The following ADAD1 variants were observed in gnomAD, a reference collection of about 807,000 sequenced individuals.
ADAD1 encodes the protein adenosine deaminase domain-containing protein 1.
In ADAD1, 46 loss-of-function variants were observed where a neutral mutation model predicts 66.8. The ratio of observed to expected loss-of-function variants is 0.69; its 90% confidence interval spans 0.54 to 0.88. The LOEUF is 0.88. ADAD1 is among the 40% of genes least tolerant of loss of function. The pLI is 0.00. For synonymous variants in ADAD1, 248 were observed against 229.4 expected (o/e 1.08, Z -0.73); for missense variants, 617 against 681.8 (o/e 0.91, Z 1.06).
At chr4:122,410,466 C>CT (rs1245926170) in intron 8 of ADAD1, among the ~76,000 whole-genome samples, 2 of 151,926 alleles carry the variant, frequency 1.3e-5, no homozygotes, top group Non-Finnish European at 2.9e-5. Flanking sequence ...AGGAGATCTG[C>CT]TTCCCTTTTT....
intron 12 of ADAD1, among the ~76,000 whole-genome samples, chr4:122,424,649 CAGTA>C (rs1381631477): frequency 6.6e-6 from 1 of 151,782 alleles, no homozygotes; most frequent in East Asian, 1.9e-4. Context: ...AACTATACGA[CAGTA>C]AGGAAAAAGA....
intron 11 of ADAD1, among the ~76,000 whole-genome samples, chr4:122,419,221 C>G (rs1796896009): frequency 6.6e-6 from 1 of 152,118 alleles, no homozygotes. Flanking sequence ...AGATCATGTC[C>G]TCTGCAGGGC....
intron 5 of ADAD1, among the ~76,000 whole-genome samples, chr4:122,387,219 A>G (rs891851403): frequency 6.6e-6 from 1 of 152,104 alleles, no homozygotes; most frequent in Non-Finnish European, 1.5e-5. Flanking sequence ...TTCCCCGAGC[A>G]GTGGTTTGTA....
At chr4:122,392,382 AAG>A (rs1795492322) in intron 5 of ADAD1, among the ~76,000 whole-genome samples, 1 of 152,228 alleles carries the variant, frequency 6.6e-6, no homozygotes, top group Admixed American at 6.5e-5. Context: ...TAAAAAAATA[AAG>A]TCATGTCCTT....
intron 7 of ADAD1, among the ~76,000 whole-genome samples, chr4:122,397,307 C>T (rs1489753983): frequency 1.3e-5 from 2 of 152,120 alleles, no homozygotes; most frequent in Non-Finnish European, 2.9e-5. Flanking sequence ...CAGTGATAGA[C>T]CATGGGCTGT....
chr4:122,400,660 A>G (rs929670678), intron 7 of ADAD1, among the ~76,000 whole-genome samples: 1 of 151,824 alleles, frequency 6.6e-6, no homozygotes, highest in Non-Finnish European at 1.5e-5. Flanking sequence ...GATTTTTTAG[A>G]TTATGGTTTC....
intron 7 of ADAD1, among the ~76,000 whole-genome samples, chr4:122,402,703 TTCTTTG>T (rs1164354094): frequency 1.3e-5 from 2 of 152,098 alleles, no homozygotes; most frequent in Non-Finnish European, 2.9e-5. Context: ...ATATTCTGTT[TTCTTTG>T]TCTTTGTCAG....
chr4:122,397,556 A>G (rs1440971916), intron 7 of ADAD1, among the ~76,000 whole-genome samples: 1 of 152,238 alleles, frequency 6.6e-6, no homozygotes, highest in Non-Finnish European at 1.5e-5. Context: ...TGAATATTTA[A>G]ACAATAATTG....
At chr4:122,423,039 A>C (rs556932176) in intron 12 of ADAD1, among the ~76,000 whole-genome samples, 1 of 151,778 alleles carries the variant, frequency 6.6e-6, no homozygotes, top group East Asian at 1.9e-4. Context: ...ACAGGAGTAC[A>C]TGGCCTTGCC....
intron 5 of ADAD1, among the ~76,000 whole-genome samples, chr4:122,385,956 G>T (rs1015388679): frequency 1.5e-4 from 23 of 152,030 alleles, no homozygotes; most frequent in African/African-American, 5.3e-4. Flanking sequence ...TGGCCATTTG[G>T]GTTGGTTCCA....
In ADAD1 at chr4:122,429,678, A is replaced by T; in HGVS notation, c.1670A>T (p.Gln557Leu). 6.2e-7 allele frequency: 1 copy of T among 1,613,650 alleles called. No homozygotes were observed. The highest frequency in any genetic ancestry group is 8.5e-7 in the Non-Finnish European group (1 of 1,179,722). The change falls in exon 13 of 13, where the codon CAA becomes CTA. Residue 557 changes from glutamine (Q) to leucine (L), a missense_variant. Transcript: ENST00000296513. ...AAATGTAAGTTGAAATCCTACTTAC[A>T]ACAACATGGCTATGGATCCTGGATT... Reference protein sequence around the residue: ...EAKCKLKSYLQQHGYGSWIVK... With the variant: ...EAKCKLKSYLLQHGYGSWIVK...
chr4:122,429,060 C>T (rs1012542209), intron 12 of ADAD1, among the ~76,000 whole-genome samples: 1 of 151,498 alleles, frequency 6.6e-6, no homozygotes, highest in Non-Finnish European at 1.5e-5. Flanking sequence ...TTATTTCCTT[C>T]TTTATATTTT....
chr4:122,411,082 A>G, intron 8 of ADAD1, 140 bp from the exon 9 acceptor site: 1 of 630,138 alleles, frequency 1.6e-6, no homozygotes, highest in South Asian at 2.8e-5. Flanking sequence ...AAATAAAGCT[A>G]AGATTGATTT....
chr4:122,380,891 G>A (rs1561527524), intron 3 of ADAD1, 101 bp from the exon 4 acceptor site: 3 of 1,061,114 alleles, frequency 2.8e-6, no homozygotes, highest in African/African-American at 1.6e-5. Flanking sequence ...ATGATGAAGT[G>A]TATCTGGGAC....
chr4:122,419,974 G>T (rs1442232620), intron 11 of ADAD1, among the ~76,000 whole-genome samples: 1 of 152,064 alleles, frequency 6.6e-6, no homozygotes, highest in East Asian at 1.9e-4. Context: ...TTCAGAGCAA[G>T]ACATTATTTA....
At chr4:122,380,842 G>A in intron 3 of ADAD1, 150 bp from the exon 4 acceptor site, 1 of 706,550 alleles carries the variant, frequency 1.4e-6, no homozygotes, top group South Asian at 2.2e-5. Context: ...TGCTTGTCAT[G>A]TGTGCCAAAA....
At chr4:122,384,913 A>G (rs1237570209) in intron 5 of ADAD1, among the ~76,000 whole-genome samples, 1 of 152,208 alleles carries the variant, frequency 6.6e-6, no homozygotes, top group Admixed American at 6.5e-5. Context: ...GTTTTCTCCA[A>G]AAAGTACCAA....
At chr4:122,380,882 T>A in intron 3 of ADAD1, 110 bp from the exon 4 acceptor site, 1 of 974,546 alleles carries the variant, frequency 1.0e-6, no homozygotes, top group East Asian at 2.8e-5. Flanking sequence ...GAAAAACATA[T>A]GATGAAGTGT....
intron 12 of ADAD1, among the ~76,000 whole-genome samples, chr4:122,425,806 G>A (rs1448579587): frequency 1.3e-5 from 2 of 151,784 alleles, no homozygotes; most frequent in African/African-American, 4.8e-5. Flanking sequence ...GGTATTTCTA[G>A]GGGGTCCTCG....
Sources: allele counts gnomAD v4.1 joint callset (sites outside exome capture counted in the v4.1 genomes callset), GRCh38; gene constraint gnomAD v4.1.1; transcripts MANE v1.5; gene names NCBI Gene and HGNC (gene_info 2026-07-23, HGNC 2026-07-21).